Variants in PALM2AKAP2 observed in about 807,000 individuals in gnomAD.
PALM2AKAP2 encodes PALM2-AKAP2 fusion protein.
Under a neutral mutation model 71.5 loss-of-function variants are expected in PALM2AKAP2, and 37 were observed. The ratio of observed to expected loss-of-function variants is 0.52; its 90% CI spans 0.40 to 0.68. The LOEUF is 0.68. Ranked by LOEUF, PALM2AKAP2 falls within the 30% of genes least tolerant of loss-of-function variation. The pLI, the probability that PALM2AKAP2 is intolerant of heterozygous loss-of-function variation, is 0.00. For missense variants in PALM2AKAP2, 1,224 were observed against 1,191.8 expected (o/e 1.03, Z -0.40); for synonymous variants, 468 against 478.8 (o/e 0.98, Z 0.29).
intron 1 of PALM2AKAP2, among the ~76,000 whole-genome samples, chr9:109,769,693 A>C (rs1363429490): frequency 6.6e-6 from 1 of 152,202 alleles, no homozygotes; most frequent in African/African-American, 2.4e-5. Context: ...AGATGGACCT[A>C]ACAGTGTTTG....
chr9:109,834,306 C>A (rs1828391447), intron 1 of PALM2AKAP2, among the ~76,000 whole-genome samples: 1 of 152,106 alleles, frequency 6.6e-6, no homozygotes, highest in Non-Finnish European at 1.5e-5. Flanking sequence ...TGGTATCAAC[C>A]AAAGGGAAAG....
chr9:109,702,632 T>C (rs1828079683), intron 1 of PALM2AKAP2, among the ~76,000 whole-genome samples: 1 of 151,766 alleles, frequency 6.6e-6, no homozygotes, highest in Non-Finnish European at 1.5e-5. Context: ...TTAGGAGATA[T>C]ACCTAATGTT....
At chr9:109,663,285 T>C (rs1827429230) in intron 1 of PALM2AKAP2, among the ~76,000 whole-genome samples, 1 of 152,230 alleles carries the variant, frequency 6.6e-6, no homozygotes, top group Non-Finnish European at 1.5e-5. Flanking sequence ...TGTTAGGGTG[T>C]TGATTTTAGA....
At chr9:109,647,236 A>T (rs1827167820) in intron 1 of PALM2AKAP2, among the ~76,000 whole-genome samples, 1 of 152,284 alleles carries the variant, frequency 6.6e-6, no homozygotes, top group South Asian at 2.1e-4. Context: ...TTATCAATGT[A>T]TGTCAGCCTG....
chr9:109,899,110 C>A (rs1450806583), intron 3 of PALM2AKAP2, among the ~76,000 whole-genome samples: 1 of 152,150 alleles, frequency 6.6e-6, no homozygotes, highest in Non-Finnish European at 1.5e-5. Context: ...TCCAGACCTA[C>A]CCATATAGCC....
intron 6 of PALM2AKAP2, among the ~76,000 whole-genome samples, chr9:109,960,846 GA>G (rs954332703): frequency 5.3e-5 from 8 of 152,202 alleles, no homozygotes; most frequent in African/African-American, 1.9e-4. Flanking sequence ...TTTAGCAGCA[GA>G]ATCATAGACA....
intron 1 of PALM2AKAP2, among the ~76,000 whole-genome samples, chr9:109,717,312 A>G (rs118153823): frequency 0.042 from 6,447 of 152,244 alleles, 186 homozygotes; most frequent in Non-Finnish European, 0.053. Context: ...GAGGCAGTTC[A>G]TGGCCTATCT....
chr9:110,099,223 G>C (rs528132248), intron 1 of PALM2AKAP2, among the ~76,000 whole-genome samples: 1 of 152,132 alleles, frequency 6.6e-6, no homozygotes, highest in African/African-American at 2.4e-5. Context: ...TTTTTCCTAC[G>C]GAATCAATTT....
chr9:109,943,709 G>C (rs141075567), intron 6 of PALM2AKAP2: 1 of 347,216 alleles, frequency 2.9e-6, no homozygotes, highest in South Asian at 5.4e-5. Flanking sequence ...TGGACTCTTC[G>C]TATCAGCCAG....
Position 110,138,328 on chromosome 9 carries a change from G to A in PALM2AKAP2, c.2358G>A (p.Leu786=), listed in dbSNP as rs150240514. ...AGCTGAGAAGCACAGCCTCCCTCCT[G>A]GCCACTCAAGAATCTGACGTGATGG... Residue 786 remains leucine (L), a synonymous_variant, in exon 2 of 4, where the codon CTG becomes CTA. Coordinates refer to ENST00000374525, the Ensembl canonical transcript of PALM2AKAP2. 234 of 1,614,188 alleles carry A rather than the reference G, an allele frequency of 1.4e-4. No homozygotes were observed. The African/African-American group carries it at 2.7e-3, about 18-fold the overall frequency.
At chr9:109,800,432 C>T (rs372930402) in intron 1 of PALM2AKAP2, among the ~76,000 whole-genome samples, 17 of 152,268 alleles carry the variant, frequency 1.1e-4, no homozygotes, top group African/African-American at 3.1e-4. Context: ...AGCCCAAGAC[C>T]GGGTAGCTGA....
intron 6 of PALM2AKAP2, among the ~76,000 whole-genome samples, chr9:109,971,961 C>G (rs1369268022): frequency 6.6e-6 from 1 of 152,214 alleles, no homozygotes; most frequent in Non-Finnish European, 1.5e-5. Flanking sequence ...GCTGCCTACT[C>G]TCTGAAGCTG....
intron 1 of PALM2AKAP2, among the ~76,000 whole-genome samples, chr9:109,842,532 A>C (rs910601174): frequency 6.6e-6 from 1 of 152,242 alleles, no homozygotes; most frequent in Non-Finnish European, 1.5e-5. Flanking sequence ...GAAGTGGCTT[A>C]AAAAGTTTTC....
At chr9:110,035,089 A>G (rs1015252050) in intron 7 of PALM2AKAP2, among the ~76,000 whole-genome samples, 2 of 151,078 alleles carry the variant, frequency 1.3e-5, no homozygotes, top group South Asian at 4.2e-4. Context: ...AGTTCTTGGA[A>G]TCAACTTACG....
At chr9:109,943,484 C>T in intron 6 of PALM2AKAP2, 4 of 1,524,808 alleles carry the variant, frequency 2.6e-6, no homozygotes, top group Non-Finnish European at 3.5e-6. Flanking sequence ...TCACGTAGAC[C>T]TCACTGTACC....
At chr9:109,796,491 AG>A (rs1380094711) in intron 1 of PALM2AKAP2, among the ~76,000 whole-genome samples, 1 of 152,252 alleles carries the variant, frequency 6.6e-6, no homozygotes, top group Non-Finnish European at 1.5e-5. Context: ...TTATATAAAA[AG>A]TCTGTGATTC....
At chr9:109,917,339 A>G (rs1830716518) in intron 3 of PALM2AKAP2, among the ~76,000 whole-genome samples, 1 of 152,188 alleles carries the variant, frequency 6.6e-6, no homozygotes, top group Admixed American at 6.5e-5. Flanking sequence ...AATATAAGAT[A>G]ATAAATGTAG....
chr9:109,895,328 A>G (rs542089025), intron 3 of PALM2AKAP2, among the ~76,000 whole-genome samples: 1 of 152,320 alleles, frequency 6.6e-6, no homozygotes, highest in African/African-American at 2.4e-5. Context: ...AAGGATGGGA[A>G]CCAAAGGTAC....
chr9:109,964,320 G>A (rs1404295470), intron 6 of PALM2AKAP2, among the ~76,000 whole-genome samples: 2 of 152,200 alleles, frequency 1.3e-5, no homozygotes, highest in African/African-American at 4.8e-5. Flanking sequence ...TGGTTTAGTG[G>A]TGAAGAAGAT....
Sources: allele counts gnomAD v4.1 joint callset (sites outside exome capture counted in the v4.1 genomes callset), GRCh38; gene constraint gnomAD v4.1.1; transcripts MANE v1.5; gene names NCBI Gene and HGNC (gene_info 2026-07-23, HGNC 2026-07-21).